MARCHF1: variants seen among roughly 807,000 people sequenced by gnomAD.
MARCHF1 encodes membrane associated ring-CH-type finger 1.
Under a neutral mutation model 54.2 loss-of-function variants are expected in MARCHF1, and 40 were observed. The observed-to-expected ratio is 0.74, with a 90% CI of 0.57 to 0.96. MARCHF1 has a LOEUF of 0.96. Ranked by LOEUF, MARCHF1 falls within the 40% of genes least tolerant of loss-of-function variation. MARCHF1 has a pLI of 0.00. For missense variants in MARCHF1, 586 were observed against 656.5 expected, an observed-to-expected ratio of 0.89 and a Z score of 1.17; for synonymous variants, 236 against 236.3, an observed-to-expected ratio of 1.00 and a Z score of 0.01.
intron 4 of MARCHF1, among the ~76,000 whole-genome samples, chr4:163,820,283 G>A (rs967416905): frequency 6.6e-6 from 1 of 151,976 alleles, no homozygotes; most frequent in Non-Finnish European, 1.5e-5. Context: ...TCCTTTTGAA[G>A]TAATCTCTTT....
chr4:164,190,242 G>T, intron 1 of MARCHF1: 1 of 1,274,458 alleles, frequency 7.8e-7, no homozygotes, highest in Non-Finnish European at 1.1e-6. Flanking sequence ...GAAGGAACTG[G>T]AAGAAATTGT....
At chr4:163,532,538 C>A (rs1391882588) in intron 9 of MARCHF1, among the ~76,000 whole-genome samples, 1 of 151,720 alleles carries the variant, frequency 6.6e-6, no homozygotes, top group Non-Finnish European at 1.5e-5. Context: ...AAAAATGGAT[C>A]AATTGGACTT....
At chr4:164,203,350 T>C (rs7671115) in intron 1 of MARCHF1, among the ~76,000 whole-genome samples, 113,756 of 151,994 alleles carry the variant, frequency 0.75, 43,269 homozygotes, top group African/African-American at 0.87. Flanking sequence ...ACTTATTTTG[T>C]TAATTTGGCT....
chr4:164,009,322 T>C (rs1390869669), intron 2 of MARCHF1, among the ~76,000 whole-genome samples: 1 of 152,064 alleles, frequency 6.6e-6, no homozygotes, highest in Non-Finnish European at 1.5e-5. Flanking sequence ...TCTCATTAAA[T>C]AAAAGTCCAG....
intron 4 of MARCHF1, among the ~76,000 whole-genome samples, chr4:163,740,761 T>G (rs1428518898): frequency 6.6e-6 from 1 of 152,192 alleles, no homozygotes; most frequent in Non-Finnish European, 1.5e-5. Context: ...TCCAACATAA[T>G]TTCATGTTAA....
At chr4:164,306,929 T>C (rs1226140030) in intron 1 of MARCHF1, among the ~76,000 whole-genome samples, 4 of 152,290 alleles carry the variant, frequency 2.6e-5, no homozygotes, top group African/African-American at 9.6e-5. Context: ...TAAGTATGTA[T>C]TTGGAAATAT....
intron 5 of MARCHF1, among the ~76,000 whole-genome samples, chr4:163,657,356 A>T: frequency 6.6e-6 from 1 of 151,894 alleles, no homozygotes; most frequent in African/African-American, 2.4e-5. Context: ...TAAGAAGGGA[A>T]GTGAAGGACC....
At position 164,372,980 on chromosome 4, in the gene MARCHF1, A is replaced by T. The variant is rs80099867; in HGVS notation, c.-323+10890T>A. Among the ~76,000 whole-genome samples the T allele has an allele frequency of 2.7e-3, 418 of 152,306 alleles. 1 individual carries two copies. Among genetic ancestry groups the T allele is most frequent in the African/African-American group, 9.4e-3 (390 of 41,576 alleles). On this transcript the variant is annotated intron_variant, in intron 1 of 9. Transcript: ENST00000514618. Reference sequence around the variant, plus strand: ...TCCTTCATGTCTAAAAAGTAGCAAGATAACTAAAATCTTAAAATGTATAGC... The same window carrying T: ...TCCTTCATGTCTAAAAAGTAGCAAGTTAACTAAAATCTTAAAATGTATAGC...
chr4:163,710,162 T>C (rs1279669347), intron 4 of MARCHF1, among the ~76,000 whole-genome samples: 1 of 152,078 alleles, frequency 6.6e-6, no homozygotes, highest in Non-Finnish European at 1.5e-5. Context: ...ATTTTAAAGG[T>C]ACTTCTATAC....
At chr4:164,263,526 A>C (rs1315498614) in intron 1 of MARCHF1, among the ~76,000 whole-genome samples, 5 of 152,130 alleles carry the variant, frequency 3.3e-5, no homozygotes, top group African/African-American at 1.2e-4. Context: ...TCTCCCCAGT[A>C]GTTGGGATTA....
chr4:164,042,939 C>A, intron 2 of MARCHF1, among the ~76,000 whole-genome samples: 1 of 152,176 alleles, frequency 6.6e-6, no homozygotes, highest in Non-Finnish European at 1.5e-5. Context: ...ATAATCTCGA[C>A]TGTATTTCTC....
chr4:164,273,022 ACCAAAATATTAGCT>A (rs1433338847), intron 1 of MARCHF1, among the ~76,000 whole-genome samples: 1 of 151,996 alleles, frequency 6.6e-6, no homozygotes, highest in Non-Finnish European at 1.5e-5. Context: ...AGCAAAGTAC[ACCAAAATATTAGCT>A]CCTATGTTAG....
At chr4:164,374,829 A>G (rs1731139216) in intron 1 of MARCHF1, among the ~76,000 whole-genome samples, 1 of 152,166 alleles carries the variant, frequency 6.6e-6, no homozygotes, top group South Asian at 2.1e-4. Flanking sequence ...CATGAGGTTA[A>G]AAGATTTCAT....
rs955963119 is a variant in MARCHF1, at chr4:164,361,496, A to C, written c.-323+22374T>G. Among the ~76,000 whole-genome samples the C allele has an allele frequency of 3.9e-5, 6 of 152,108 alleles. No homozygotes were observed. The East Asian group carries it at 1.2e-3, about 29-fold the overall frequency. On this transcript the variant is annotated intron_variant, in intron 1 of 9. Transcript: ENST00000514618. ...GCAGTATCTACTGAAACTGCTGTTT[A>C]TCTAGAAACAGAACAGTTTCCTGGC...
At chr4:163,604,398 T>C (rs1741077288) in intron 7 of MARCHF1, among the ~76,000 whole-genome samples, 1 of 152,162 alleles carries the variant, frequency 6.6e-6, no homozygotes, top group Admixed American at 6.6e-5. Context: ...AAGCCGATTA[T>C]ATATATGTAG....
At chr4:163,682,500 A>G (rs1405878559) in intron 5 of MARCHF1, among the ~76,000 whole-genome samples, 1 of 151,118 alleles carries the variant, frequency 6.6e-6, no homozygotes, top group African/African-American at 2.4e-5. Context: ...GGGCCCAGGG[A>G]CCCCCTGCTC....
At chr4:164,025,409 A>G (rs1753745208) in intron 2 of MARCHF1, among the ~76,000 whole-genome samples, 1 of 152,072 alleles carries the variant, frequency 6.6e-6, no homozygotes, top group Non-Finnish European at 1.5e-5. Flanking sequence ...ACAAAAAAAT[A>G]AAAACAGAAA....
At chr4:164,336,653 T>C (rs1362814484) in intron 1 of MARCHF1, among the ~76,000 whole-genome samples, 1 of 152,208 alleles carries the variant, frequency 6.6e-6, no homozygotes, top group African/African-American at 2.4e-5. Context: ...ATATTATCTG[T>C]ATAAGCACTG....
chr4:164,263,328 C>A (rs1428572250), intron 1 of MARCHF1, among the ~76,000 whole-genome samples: 2 of 152,156 alleles, frequency 1.3e-5, no homozygotes, highest in East Asian at 3.9e-4. Flanking sequence ...TTGATATCTG[C>A]AATATATATA....
Sources: allele counts gnomAD v4.1 joint callset (sites outside exome capture counted in the v4.1 genomes callset), GRCh38; gene constraint gnomAD v4.1.1; transcripts MANE v1.5; gene names NCBI Gene and HGNC (gene_info 2026-07-23, HGNC 2026-07-21).